SLC44A5: variants seen among roughly 807,000 people sequenced by gnomAD.
SLC44A5 encodes the protein choline transporter-like protein 5.
SLC44A5 carries 57 observed loss-of-function variants against 101.8 expected under a neutral mutation model. The observed-to-expected ratio is 0.56, with a 90% confidence interval of 0.45 to 0.70. SLC44A5 has a LOEUF of 0.70. Among genes scored for constraint, SLC44A5 ranks in the 30% least tolerant of loss-of-function variants. The probability of loss-of-function intolerance (pLI) is 0.00; values close to 1 mark genes in which losing one functional copy is unlikely to be tolerated. For missense variants in SLC44A5, 737 were observed against 853.1 expected (o/e 0.86, Z 1.70); for synonymous variants, 281 against 290.9 (o/e 0.97, Z 0.35).
chr1:75,404,264 G>A (rs1050313645), intron 2 of SLC44A5, among the ~76,000 whole-genome samples: 11 of 152,134 alleles, frequency 7.2e-5, no homozygotes, highest in South Asian at 2.1e-4. Context: ...AACCACGTTG[G>A]AAAACACTTT....
chr1:75,554,406 T>C (rs1159315164), intron 1 of SLC44A5, among the ~76,000 whole-genome samples: 2 of 147,246 alleles, frequency 1.4e-5, no homozygotes, highest in African/African-American at 5.1e-5. Flanking sequence ...AAACAGAGGT[T>C]GCGGTGAGCC....
intron 5 of SLC44A5, among the ~76,000 whole-genome samples, chr1:75,291,700 C>T (rs1653557525): frequency 6.6e-6 from 1 of 152,004 alleles, no homozygotes; most frequent in African/African-American, 2.4e-5. Flanking sequence ...GAAAGGAGAC[C>T]AGTGTGGTGC....
intron 3 of SLC44A5, among the ~76,000 whole-genome samples, chr1:75,371,283 C>T (rs112357485): frequency 6.6e-6 from 1 of 152,166 alleles, no homozygotes; most frequent in Non-Finnish European, 1.5e-5. Context: ...TCAATTGTTA[C>T]TGTGTTTATC....
intron 3 of SLC44A5, among the ~76,000 whole-genome samples, chr1:75,387,350 A>G (rs1364217047): frequency 6.5e-5 from 9 of 139,404 alleles, no homozygotes; most frequent in African/African-American, 2.5e-4. Context: ...CAATGAACTC[A>G]AACAAATTTA....
intron 6 of SLC44A5, among the ~76,000 whole-genome samples, chr1:75,267,557 T>A (rs1250161475): frequency 6.6e-6 from 1 of 152,006 alleles, no homozygotes; most frequent in Non-Finnish European, 1.5e-5. Flanking sequence ...TTTATTTTTA[T>A]TTTTTTAAAT....
At chr1:75,220,879 T>C (rs1647064042) in intron 14 of SLC44A5, among the ~76,000 whole-genome samples, 1 of 152,206 alleles carries the variant, frequency 6.6e-6, no homozygotes, top group Non-Finnish European at 1.5e-5. Context: ...CTAAGTGAAT[T>C]ATTGTGTGTC....
At chr1:75,625,520 T>C in the SLC44A5 span, among the ~76,000 whole-genome samples, 1 of 152,184 alleles carries the variant, frequency 6.6e-6, no homozygotes, top group Non-Finnish European at 1.5e-5. Context: ...CCAAAAATAC[T>C]ATCTTCACTA....
Position 75,597,519 on chromosome 1 carries a change from G to A in SLC44A5, c.-70+13521C>T, listed in dbSNP as rs1196133754. The stretch of plus-strand genomic sequence containing the variant: ...ATCATACACAAAAAGAGTAAAGCTG[G>A]AGGCATCATGCTACCCAACTTCAAA... On this transcript the variant is annotated intron_variant, in intron 1 of 23. Coordinates refer to ENST00000370859, the MANE Select transcript of SLC44A5 (RefSeq NM_001130058.2). Among the ~76,000 whole-genome samples the A allele has an allele frequency of 2.0e-5, 3 of 152,098 alleles. No homozygotes were observed. The East Asian group carries it at 5.8e-4, about 29-fold the overall frequency.
chr1:75,688,058 C>A, the SLC44A5 span, among the ~76,000 whole-genome samples: 1 of 152,182 alleles, frequency 6.6e-6, no homozygotes, highest in South Asian at 2.1e-4. Flanking sequence ...CTCTCTCTGA[C>A]TAGAGAGCAA....
intron 1 of SLC44A5, among the ~76,000 whole-genome samples, chr1:75,570,823 T>G (rs1673035351): frequency 6.6e-6 from 1 of 152,094 alleles, no homozygotes; most frequent in Non-Finnish European, 1.5e-5. Flanking sequence ...CTGATCATAC[T>G]AGAAAAAAAT....
In SLC44A5 at chr1:75,573,113, G is replaced by A. The variant is rs151121353; in HGVS notation, c.-69-31597C>T. On this transcript the variant is annotated intron_variant, in intron 1 of 23. Transcript: ENST00000370859. ...GCTCCAGCCTGAGCTGAGCGACAGA[G>A]CAAGGCTCCATCTCAAAAAAAAAAA... Among the ~76,000 whole-genome samples the A allele has an allele frequency of 5.1e-3, 509 of 98,892 alleles. 4 individuals are homozygous for A. The highest frequency in any genetic ancestry group is 0.018 in the African/African-American group (421 of 23,876). 64.9% of individuals were successfully genotyped at this position (98,892 alleles called of 152,430 possible).
At chr1:75,460,838 G>A (rs1050722678) in intron 2 of SLC44A5, among the ~76,000 whole-genome samples, 3 of 151,992 alleles carry the variant, frequency 2.0e-5, no homozygotes, top group Non-Finnish European at 4.4e-5. Flanking sequence ...ATGCAAGACA[G>A]GTAAGAAAAT....
At chr1:75,386,594 T>C (rs993154716) in intron 3 of SLC44A5, among the ~76,000 whole-genome samples, 1 of 152,174 alleles carries the variant, frequency 6.6e-6, no homozygotes, top group African/African-American at 2.4e-5. Context: ...TCCATGCTCA[T>C]GGGTAGGAAA....
At chr1:75,213,133 C>T (rs961063014) in intron 22 of SLC44A5, among the ~76,000 whole-genome samples, 2 of 152,284 alleles carry the variant, frequency 1.3e-5, no homozygotes, top group African/African-American at 4.8e-5. Context: ...ATCCTGCCCT[C>T]CTCACTTTCT....
chr1:75,435,339 A>G (rs1036913719), intron 2 of SLC44A5, among the ~76,000 whole-genome samples: 4 of 152,204 alleles, frequency 2.6e-5, no homozygotes, highest in Admixed American at 2.0e-4. Context: ...GTGTGGTTTT[A>G]ACATGGAAAT....
At chr1:75,531,786 C>T (rs1670733693) in intron 2 of SLC44A5, among the ~76,000 whole-genome samples, 1 of 151,986 alleles carries the variant, frequency 6.6e-6, no homozygotes, top group Admixed American at 6.6e-5. Context: ...CTCTTCTCTT[C>T]CACATTAGTC....
intron 6 of SLC44A5, among the ~76,000 whole-genome samples, chr1:75,273,712 T>C (rs1570537299): frequency 6.6e-6 from 1 of 152,272 alleles, no homozygotes; most frequent in East Asian, 1.9e-4. Flanking sequence ...CATCCCTACA[T>C]CCCTGGTATG....
intron 2 of SLC44A5, among the ~76,000 whole-genome samples, chr1:75,427,095 G>T (rs182844581): frequency 6.6e-6 from 1 of 152,146 alleles, no homozygotes; most frequent in Non-Finnish European, 1.5e-5. Context: ...GACAACCAGG[G>T]TCAGATCCTG....
chr1:75,270,188 A>G (rs1651352607), intron 6 of SLC44A5, among the ~76,000 whole-genome samples: 1 of 152,196 alleles, frequency 6.6e-6, no homozygotes, highest in Non-Finnish European at 1.5e-5. Context: ...TTTATACAAT[A>G]AAACTTATGC....
Sources: allele counts gnomAD v4.1 joint callset (sites outside exome capture counted in the v4.1 genomes callset), GRCh38; gene constraint gnomAD v4.1.1; transcripts MANE v1.5; gene names NCBI Gene and HGNC (gene_info 2026-07-23, HGNC 2026-07-21).